Variants in CAMK2D observed in about 807,000 individuals in gnomAD.
CAMK2D encodes the protein calcium/calmodulin-dependent protein kinase type II subunit delta.
In CAMK2D, 37 loss-of-function variants were observed where a neutral mutation model predicts 84.0. That is an observed-to-expected ratio of 0.44 (90% CI 0.34 to 0.58). CAMK2D has a LOEUF of 0.58. Ranked by LOEUF, CAMK2D falls within the 20% of genes least tolerant of loss-of-function variation. The probability of loss-of-function intolerance (pLI) is 0.02; values close to 1 mark genes in which losing one functional copy is unlikely to be tolerated. For missense variants in CAMK2D, 448 were observed against 652.5 expected, an observed-to-expected ratio of 0.69 and a Z score of 3.41; for synonymous variants, 202 against 212.5, an observed-to-expected ratio of 0.95 and a Z score of 0.43.
chr4:113,699,755 C>T (rs1593221658), intron 2 of CAMK2D, among the ~76,000 whole-genome samples: 1 of 152,136 alleles, frequency 6.6e-6, no homozygotes, highest in African/African-American at 2.4e-5. Context: ...AAACTCAATC[C>T]TATGTATCTG....
chr4:113,605,067 T>C (rs1328537219), intron 4 of CAMK2D, among the ~76,000 whole-genome samples: 2 of 152,200 alleles, frequency 1.3e-5, no homozygotes, highest in Non-Finnish European at 2.9e-5. Flanking sequence ...CTCCCTTATC[T>C]GCCTAAAAGC....
chr4:113,479,442 T>C (rs1338113787), intron 16 of CAMK2D, among the ~76,000 whole-genome samples: 2 of 152,194 alleles, frequency 1.3e-5, no homozygotes, highest in Non-Finnish European at 2.9e-5. Context: ...AAGTACAAAA[T>C]ATGTCTCAAC....
At chr4:113,568,704 G>A (rs1348756666) in intron 4 of CAMK2D, among the ~76,000 whole-genome samples, 5 of 152,104 alleles carry the variant, frequency 3.3e-5, no homozygotes, top group Admixed American at 1.3e-4. Context: ...ACCTACATGA[G>A]TTCCAACTTC....
intron 16 of CAMK2D, among the ~76,000 whole-genome samples, chr4:113,495,957 A>G (rs774915951): frequency 2.6e-5 from 4 of 152,198 alleles, no homozygotes; most frequent in Non-Finnish European, 5.9e-5. Context: ...GGGAAACATA[A>G]GCAGATGGAC....
intron 3 of CAMK2D, among the ~76,000 whole-genome samples, chr4:113,645,701 T>A (rs2099149018): frequency 6.6e-6 from 1 of 151,740 alleles, no homozygotes; most frequent in Admixed American, 6.6e-5. Context: ...GGCTAGGTAA[T>A]CCAGCAAGGA....
At chr4:113,546,080 T>G (rs1325142508) in intron 6 of CAMK2D, among the ~76,000 whole-genome samples, 1 of 152,198 alleles carries the variant, frequency 6.6e-6, no homozygotes, top group Non-Finnish European at 1.5e-5. Context: ...TGGAAGAGGA[T>G]TCACATTTTT....
chr4:113,507,236 T>C (rs1265372275), intron 13 of CAMK2D, among the ~76,000 whole-genome samples: 1 of 151,854 alleles, frequency 6.6e-6, no homozygotes, highest in Non-Finnish European at 1.5e-5. Flanking sequence ...TAAGTATAGG[T>C]TCAACCACAA....
At chr4:113,756,845 T>C (rs565618596) in intron 2 of CAMK2D, among the ~76,000 whole-genome samples, 15 of 152,176 alleles carry the variant, frequency 9.9e-5, no homozygotes, top group Admixed American at 9.2e-4. Flanking sequence ...TCAATATGAG[T>C]ACAAGTTAAA....
chr4:113,451,357 A>AT lies in CAMK2D; in HGVS notation c.*3187dup, dbSNP rs2097256711. ...TGTATACCCTCGTGAGCAAAGAATA[A>AT]TAACAATAGGAATATTAATGTCAGT... is the stretch of plus-strand genomic sequence containing the variant. On this transcript the variant is annotated 3_prime_UTR_variant, in exon 21 of 21. Transcript: ENST00000511664. The AT allele has an allele frequency of 6.6e-6, 1 of 152,212 alleles. No homozygotes were observed. Among genetic ancestry groups the AT allele is most frequent in the Admixed American group, 6.5e-5 (1 of 15,282 alleles). 9.4% of individuals were successfully genotyped at this position (152,212 alleles called of 1,614,324 possible). A position where few individuals can be genotyped will look rare whatever the true frequency, so the allele number is the denominator to read the frequency against.
intron 2 of CAMK2D, among the ~76,000 whole-genome samples, chr4:113,713,420 T>A (rs913921445): frequency 6.7e-6 from 1 of 148,490 alleles, no homozygotes; most frequent in African/African-American, 2.4e-5. Context: ...TATTATTATA[T>A]TATATATAAT....
At chr4:113,732,897 T>C (rs2099572575) in intron 2 of CAMK2D, among the ~76,000 whole-genome samples, 1 of 152,188 alleles carries the variant, frequency 6.6e-6, no homozygotes, top group South Asian at 2.1e-4. Flanking sequence ...GCTTCTCTAC[T>C]AGAAGCACTG....
At chr4:113,569,794 A>T (rs1243782128) in intron 4 of CAMK2D, among the ~76,000 whole-genome samples, 1 of 152,198 alleles carries the variant, frequency 6.6e-6, no homozygotes, top group Non-Finnish European at 1.5e-5. Flanking sequence ...AGAAAAATCC[A>T]TTTGTAGCAA....
chr4:113,510,801 T>C (rs1318852404), intron 12 of CAMK2D, among the ~76,000 whole-genome samples: 2 of 152,194 alleles, frequency 1.3e-5, no homozygotes, highest in Admixed American at 1.3e-4. Flanking sequence ...TTCAATATCA[T>C]ATTGGTATAT....
chr4:113,533,556 C>A (rs192526611), intron 7 of CAMK2D, among the ~76,000 whole-genome samples: 173 of 151,922 alleles, frequency 1.1e-3, no homozygotes, highest in Non-Finnish European at 8.0e-4. Flanking sequence ...GGAAATGTAT[C>A]CATTGTAACA....
In CAMK2D at chr4:113,516,755, T is replaced by C. The variant is rs940272089; in HGVS notation, c.696+808A>G. Among the ~76,000 whole-genome samples, 8 of 152,246 alleles carry C rather than the reference T, an allele frequency of 5.3e-5. No individual in the cohort carries two copies. The South Asian group carries it at 1.0e-3, about 20-fold the overall frequency. On this transcript the variant is annotated intron_variant, in intron 9 of 20. Coordinates refer to ENST00000511664, the MANE Select transcript of CAMK2D (RefSeq NM_001321571.2). ...ACTTGTGCACAAAAGGTGAACCCAA[T>C]ATTGCTACTCTGTAGTTACTCTACT...
intron 3 of CAMK2D, among the ~76,000 whole-genome samples, chr4:113,616,387 A>T (rs778958499): frequency 4.1e-4 from 62 of 152,284 alleles, no homozygotes; most frequent in South Asian, 8.3e-4. Context: ...TCCTGATTCA[A>T]GATTAAAAGC....
chr4:113,691,207 T>C (rs796212046), intron 2 of CAMK2D, among the ~76,000 whole-genome samples: 5 of 152,314 alleles, frequency 3.3e-5, no homozygotes, highest in African/African-American at 1.2e-4. Flanking sequence ...TACAACACTT[T>C]GGCTGAAAAT....
intron 3 of CAMK2D, among the ~76,000 whole-genome samples, chr4:113,652,236 T>C (rs1251731605): frequency 6.6e-6 from 1 of 152,184 alleles, no homozygotes; most frequent in Non-Finnish European, 1.5e-5. Flanking sequence ...ATTCCTTGCC[T>C]GTAAAATGGA....
At chr4:113,580,225 A>T (rs567594141) in intron 4 of CAMK2D, among the ~76,000 whole-genome samples, 1 of 152,346 alleles carries the variant, frequency 6.6e-6, no homozygotes, top group Non-Finnish European at 1.5e-5. Flanking sequence ...GATGTGCATG[A>T]ATAACTTAAC....
Sources: gnomAD v4.1 joint callset for allele counts (sites outside exome capture counted in the v4.1 genomes callset) on GRCh38, gnomAD v4.1.1 for gene constraint, MANE v1.5 for transcripts, NCBI Gene and HGNC (gene_info 2026-07-23, HGNC 2026-07-21) for gene names.